The following PPM1H variants were observed in gnomAD, a reference collection of about 807,000 sequenced individuals.
PPM1H encodes the protein protein phosphatase, Mg2+/Mn2+ dependent 1H, also known as protein phosphatase 1H.
A neutral mutation model predicts 54.9 loss-of-function variants in PPM1H; 27 were observed. The ratio of observed to expected loss-of-function variants is 0.49; its 90% CI spans 0.36 to 0.68. The LOEUF (loss-of-function observed/expected upper bound fraction) is 0.68, where lower values mean the gene tolerates loss of function less well. Among genes scored for constraint, PPM1H ranks in the 30% least tolerant of loss-of-function variants. The pLI, the probability that PPM1H is intolerant of heterozygous loss-of-function variation, is 0.00. For missense variants in PPM1H, 596 were observed against 667.8 expected (o/e 0.89, Z 1.19); for synonymous variants, 305 against 270.8 (o/e 1.13, Z -1.24).
intron 1 of PPM1H, among the ~76,000 whole-genome samples, chr12:62,928,958 C>T (rs1418748187): frequency 1.3e-5 from 2 of 152,120 alleles, no homozygotes; most frequent in African/African-American, 2.4e-5. Flanking sequence ...TTTTTTTTCT[C>T]TAACAGCAGG....
chr12:62,648,802 C>G (rs1238923592), intron 9 of PPM1H, among the ~76,000 whole-genome samples, 166 bp from the exon 10 acceptor site: 2 of 152,192 alleles, frequency 1.3e-5, no homozygotes, highest in African/African-American at 4.8e-5. Context: ...TGTAGGACAC[C>G]TAATGTGAGA....
At chr12:62,828,712 G>T (rs1335546622) in intron 2 of PPM1H, among the ~76,000 whole-genome samples, 1 of 152,082 alleles carries the variant, frequency 6.6e-6, no homozygotes, top group East Asian at 1.9e-4. Flanking sequence ...TCCTCACTAG[G>T]TAATGGTTTT....
intron 9 of PPM1H, among the ~76,000 whole-genome samples, chr12:62,654,014 G>T (rs2075829969): frequency 6.6e-6 from 1 of 151,990 alleles, no homozygotes; most frequent in African/African-American, 2.4e-5. Flanking sequence ...GGTCAAGGCG[G>T]GTGGATTAAC....
intron 1 of PPM1H, among the ~76,000 whole-genome samples, chr12:62,919,056 C>T (rs1416447185): frequency 1.3e-5 from 2 of 152,192 alleles, no homozygotes; most frequent in Admixed American, 6.5e-5. Flanking sequence ...ACAAGAGAAA[C>T]TTTTGCCAAA....
intron 1 of PPM1H, among the ~76,000 whole-genome samples, chr12:62,897,331 C>T (rs1047186831): frequency 1.3e-5 from 2 of 152,192 alleles, no homozygotes; most frequent in Middle Eastern, 3.4e-3. Context: ...AACCACAGCC[C>T]TTTGCAATTC....
At chr12:62,797,426 T>A (rs1446512229) in intron 3 of PPM1H, among the ~76,000 whole-genome samples, 1 of 152,126 alleles carries the variant, frequency 6.6e-6, no homozygotes, top group African/African-American at 2.4e-5. Context: ...AGAAAATCAA[T>A]GGCACAAAAC....
At chr12:62,895,742 C>T (rs773804604) in intron 1 of PPM1H, among the ~76,000 whole-genome samples, 3 of 152,186 alleles carry the variant, frequency 2.0e-5, no homozygotes, top group Non-Finnish European at 2.9e-5. Flanking sequence ...CACTTACTCT[C>T]TTCCTCTCAC....
chr12:62,862,659 T>C (rs1869642881), intron 1 of PPM1H, among the ~76,000 whole-genome samples: 1 of 152,192 alleles, frequency 6.6e-6, no homozygotes, highest in Non-Finnish European at 1.5e-5. Context: ...TCTTCTCTGA[T>C]GAAACAAACC....
chr12:62,800,985 A>T (rs1057500034), intron 3 of PPM1H, among the ~76,000 whole-genome samples: 5 of 152,202 alleles, frequency 3.3e-5, no homozygotes, highest in Non-Finnish European at 7.3e-5. Context: ...AGACAAATCC[A>T]CATGCCTGGG....
chr12:62,702,689 A>G (rs1231259955), intron 6 of PPM1H, among the ~76,000 whole-genome samples: 1 of 152,188 alleles, frequency 6.6e-6, no homozygotes, highest in Non-Finnish European at 1.5e-5. Flanking sequence ...AGGGGACCCT[A>G]TTATGCTCCC....
chr12:62,835,098 C>T (rs911159012), intron 1 of PPM1H, among the ~76,000 whole-genome samples: 8 of 152,294 alleles, frequency 5.3e-5, no homozygotes, highest in African/African-American at 1.7e-4. Context: ...CCTTTGGTTT[C>T]GTTTTTTGAA....
At chr12:62,746,503 C>T (rs1051326463) in intron 4 of PPM1H, among the ~76,000 whole-genome samples, 5 of 152,190 alleles carry the variant, frequency 3.3e-5, no homozygotes, top group Non-Finnish European at 5.9e-5. Context: ...TGCCAGAGTT[C>T]CAGGCCCAGA....
rs577906832 is a variant in PPM1H, at chr12:62,769,842, C to T, written c.869+18384G>A. Among the ~76,000 whole-genome samples the T allele has an allele frequency of 3.3e-5, 5 of 152,158 alleles. No homozygotes were observed. The South Asian group carries it at 6.2e-4, about 19-fold the overall frequency. The stretch of plus-strand genomic sequence containing the variant: ...ATTTGAGGGCTTCAACATTTAAAGG[C>T]GAAAAGTGGGCTGGAGGGGAAAGAG... On this transcript the variant is annotated intron_variant, in intron 4 of 9. Coordinates refer to ENST00000228705, the MANE Select transcript of PPM1H (RefSeq NM_020700.2).
intron 1 of PPM1H, among the ~76,000 whole-genome samples, chr12:62,902,552 C>T (rs1459374466): frequency 2.0e-5 from 3 of 152,200 alleles, no homozygotes; most frequent in Non-Finnish European, 4.4e-5. Context: ...ATAAGGCTCT[C>T]ATGGGGTCCC....
intron 1 of PPM1H, among the ~76,000 whole-genome samples, chr12:62,849,007 T>C (rs1254208176): frequency 6.6e-6 from 1 of 151,960 alleles, no homozygotes; most frequent in Non-Finnish European, 1.5e-5. Flanking sequence ...GGAGTGGGAA[T>C]AGTGGTGAGT....
In PPM1H at chr12:62,934,635, G is replaced by T. The variant is rs866669891; in HGVS notation, c.102C>A (p.Asp34Glu). The T allele has an allele frequency of 3.1e-6, 5 of 1,593,010 alleles. No homozygotes were observed. The African/African-American group carries it at 5.4e-5, about 17-fold the overall frequency. Residue 34 changes from aspartate to glutamate, a missense_variant, in exon 1 of 10, where the codon GAC becomes GAA. By Grantham distance (45) the Asp-to-Glu change is conservative (BLOSUM62 2). Around this residue, in one of 3 missense-constraint regions of PPM1H, gnomAD observed 382 missense variants for 387.1 expected, o/e 0.99. Coordinates refer to ENST00000228705, the MANE Select transcript of PPM1H (RefSeq NM_020700.2). This position sits in a 1 kb window ranked among gnomAD's most constrained non-coding sequence, Gnocchi z 4.2. Reference protein sequence around the residue: ...EHGGGSCGGSDLPLRFPYGRP... With the variant: ...EHGGGSCGGSELPLRFPYGRP... ...GCCCGTAGGGGAAACGCAGGGGCAG[G>T]TCCGAGCCTCCGCAGCTGCCGCCGC...
intron 3 of PPM1H, 46 bp from the exon 4 acceptor site, chr12:62,788,384 G>T: frequency 8.2e-7 from 1 of 1,219,732 alleles, no homozygotes. Context: ...AGGATGTGTA[G>T]CAAAAGCTTT....
At chr12:62,912,168 T>A (rs1871481154) in intron 1 of PPM1H, among the ~76,000 whole-genome samples, 1 of 152,200 alleles carries the variant, frequency 6.6e-6, no homozygotes, top group African/African-American at 2.4e-5. Flanking sequence ...TCAGATAACA[T>A]AGTGAAAAAC....
At chr12:62,820,989 G>A (rs777829143) in intron 2 of PPM1H, among the ~76,000 whole-genome samples, 34 of 152,198 alleles carry the variant, frequency 2.2e-4, no homozygotes, top group Non-Finnish European at 1.8e-4. Flanking sequence ...AAAGGAGGAT[G>A]CTCGAACCCA....
Sources: gnomAD v4.1 joint callset for allele counts (sites outside exome capture counted in the v4.1 genomes callset) on GRCh38, gnomAD v4.1.1 for gene constraint, gnomAD v4.1.1 regional missense constraint, Gnocchi (gnomAD v3.1) non-coding constraint, MANE v1.5 for transcripts, NCBI Gene and HGNC (gene_info 2026-07-23, HGNC 2026-07-21) for gene names.